Variants in PLCZ1 observed in about 807,000 individuals in gnomAD.
PLCZ1 encodes phospholipase C zeta 1.
PLCZ1 carries 64 observed loss-of-function variants against 76.8 expected under a neutral mutation model. That is an observed-to-expected ratio of 0.83 (90% CI 0.68 to 1.03). The LOEUF (loss-of-function observed/expected upper bound fraction) is 1.03, where lower values mean the gene tolerates loss of function less well. Ranked by LOEUF, PLCZ1 falls within the 50% of genes least tolerant of loss-of-function variation. The probability of loss-of-function intolerance (pLI) is 0.00; values close to 1 mark genes in which losing one functional copy is unlikely to be tolerated. For missense variants in PLCZ1, 751 were observed against 713.7 expected, an observed-to-expected ratio of 1.05 and a Z score of -0.60; for synonymous variants, 248 against 230.8, an observed-to-expected ratio of 1.07 and a Z score of -0.68.
chr12:18,686,696 T>C (rs1953206090), intron 13 of PLCZ1, among the ~76,000 whole-genome samples: 1 of 152,130 alleles, frequency 6.6e-6, no homozygotes, highest in Non-Finnish European at 1.5e-5. Context: ...CGAATTACTC[T>C]AAATCATAAT....
chr12:18,662,913 C>T, the PLCZ1 span, among the ~76,000 whole-genome samples: 1 of 151,954 alleles, frequency 6.6e-6, no homozygotes, highest in African/African-American at 2.4e-5. Flanking sequence ...CAACTAAACA[C>T]AAAAAGACAG....
At chr12:18,677,431 T>C in the PLCZ1 span, among the ~76,000 whole-genome samples, 167 of 152,184 alleles carry the variant, frequency 1.1e-3, 4 homozygotes, top group South Asian at 0.034. Context: ...TGAGCATGCA[T>C]CTGAATCACA....
At chr12:18,702,570 T>C (rs1273372785) in intron 7 of PLCZ1, among the ~76,000 whole-genome samples, 1 of 152,160 alleles carries the variant, frequency 6.6e-6, no homozygotes, top group African/African-American at 2.4e-5. Flanking sequence ...TATTCCATCA[T>C]CTTGGGTCTT....
chr12:18,712,460 C>T (rs944327151), intron 6 of PLCZ1, among the ~76,000 whole-genome samples: 1 of 152,072 alleles, frequency 6.6e-6, no homozygotes. Context: ...TGAAATGATG[C>T]ATTGTTGATA....
rs1191492332 is a variant in PLCZ1 at position 18,736,301 on chromosome 12, T to G, written c.55A>C (p.Ile19Leu). 6.2e-7 allele frequency: 1 copy of G among 1,612,678 alleles called. No individual in the cohort carries two copies. Among genetic ancestry groups the G allele is most frequent in the South Asian group, 1.1e-5 (1 of 91,040 alleles). Residue 19 changes from isoleucine (I) to leucine (L), a missense_variant, in exon 3 of 15, where the codon ATT (isoleucine) becomes CTT (leucine). Coordinates refer to ENST00000266505, the MANE Select transcript of PLCZ1 (RefSeq NM_033123.4). ...AACCTCTGAGTTTTTTCTAGGTTAA[T>G]TTTTCCACCTCTGAAGTCATCCTGA... is the stretch of plus-strand genomic sequence containing the variant. ...KIQDDFRGGK[I>L]NLEKTQRLLE...
At chr12:18,698,171 C>A (rs1379160709) in intron 10 of PLCZ1, among the ~76,000 whole-genome samples, 1 of 151,928 alleles carries the variant, frequency 6.6e-6, no homozygotes, top group Non-Finnish European at 1.5e-5. Flanking sequence ...ATTTTACAAT[C>A]CAACTCACAT....
chr12:18,685,710 C>T, intron 13 of PLCZ1: 1 of 499,806 alleles, frequency 2.0e-6, no homozygotes, highest in Non-Finnish European at 4.0e-6. Context: ...AGAGTCAATT[C>T]TTTATAGATA....
chr12:18,694,372 A>C (rs529145370), intron 12 of PLCZ1, among the ~76,000 whole-genome samples: 1 of 152,322 alleles, frequency 6.6e-6, no homozygotes, highest in Admixed American at 6.5e-5. Context: ...AATATGTTAA[A>C]GTTGACACAA....
chr12:18,655,480 C>T, the PLCZ1 span, among the ~76,000 whole-genome samples: 1 of 152,198 alleles, frequency 6.6e-6, no homozygotes, highest in South Asian at 2.1e-4. Context: ...AGATGTTGCA[C>T]CTGATAAAAG....
At chr12:18,666,334 T>C in the PLCZ1 span, among the ~76,000 whole-genome samples, 1 of 152,088 alleles carries the variant, frequency 6.6e-6, no homozygotes, top group Non-Finnish European at 1.5e-5. Context: ...TCCAATTATA[T>C]ACTGTCTACA....
chr12:18,721,131 AATT>A (rs1480560369), intron 4 of PLCZ1, among the ~76,000 whole-genome samples: 1 of 152,104 alleles, frequency 6.6e-6, no homozygotes. Context: ...AATTAGCAGT[AATT>A]GGCTTAGCCC....
chr12:18,677,370 G>A, the PLCZ1 span, among the ~76,000 whole-genome samples: 2 of 152,098 alleles, frequency 1.3e-5, no homozygotes, highest in Non-Finnish European at 1.5e-5. Flanking sequence ...ATAGAGGCAA[G>A]GCTAGTTGTT....
At chr12:18,714,146 T>G (rs1957664758) in intron 5 of PLCZ1, among the ~76,000 whole-genome samples, 1 of 152,218 alleles carries the variant, frequency 6.6e-6, no homozygotes, top group African/African-American at 2.4e-5. Flanking sequence ...TTCACTCAAA[T>G]TTATTGATTT....
rs775996737 is a variant in PLCZ1, at chr12:18,723,310, C to T, written c.367+1G>A. On this transcript the variant is annotated splice_donor_variant, in intron 4 of 14. Transcript: ENST00000266505. LOFTEE classifies it high-confidence loss of function. ...GATAAAAGTTTGAAATGCAAACATA[C>T]CTTCTTCGATAGGCTCGTATTTCTG... 2 of 1,607,330 alleles carry T rather than the reference C, an allele frequency of 1.2e-6. No individual in the cohort carries two copies. The highest frequency in any genetic ancestry group is 8.5e-7 in the Non-Finnish European group (1 of 1,175,340).
chr12:18,655,552 TATA>T, the PLCZ1 span, among the ~76,000 whole-genome samples: 1 of 152,116 alleles, frequency 6.6e-6, no homozygotes. Flanking sequence ...TCCTGAAGAA[TATA>T]ATATGGAAAA....
chr12:18,699,650 A>G, intron 10 of PLCZ1, 144 bp downstream of exon 10: 1 of 853,342 alleles, frequency 1.2e-6, no homozygotes, highest in Non-Finnish European at 1.9e-6. Flanking sequence ...GACCTGAGGT[A>G]TGTAACCCCA....
chr12:18,683,131 T>C (rs1257454004), downstream of PLCZ1: 2 of 933,890 alleles, frequency 2.1e-6, no homozygotes, highest in East Asian at 5.3e-5. Context: ...ATTTCTAGTT[T>C]TATGAGTAAT....
intron 5 of PLCZ1, chr12:18,714,808 A>G (rs1457081662): frequency 6.6e-6 from 1 of 152,216 alleles, no homozygotes; most frequent in East Asian, 1.9e-4. Flanking sequence ...ATGCTGCCAA[A>G]CATTCTGCAA....
chr12:18,689,711 AG>A (rs1362362127), intron 12 of PLCZ1, among the ~76,000 whole-genome samples: 1 of 152,172 alleles, frequency 6.6e-6, no homozygotes, highest in African/African-American at 2.4e-5. Context: ...GGATTTAGAA[AG>A]CAGTCCTGTA....
Sources: gnomAD v4.1 joint callset for allele counts (sites outside exome capture counted in the v4.1 genomes callset) on GRCh38, gnomAD v4.1.1 for gene constraint, MANE v1.5 for transcripts, NCBI Gene and HGNC (gene_info 2026-07-23, HGNC 2026-07-21) for gene names.